TMEM168: variants seen among roughly 807,000 people sequenced by gnomAD.
TMEM168 encodes transmembrane protein 168.
A neutral mutation model predicts 53.2 loss-of-function variants in TMEM168; 40 were observed. That is an observed-to-expected ratio of 0.75 (90% CI 0.58 to 0.98). The LOEUF (loss-of-function observed/expected upper bound fraction) is 0.98, where lower values mean the gene tolerates loss of function less well. Among genes scored for constraint, TMEM168 ranks in the 50% least tolerant of loss-of-function variants. The pLI, the probability that TMEM168 is intolerant of heterozygous loss-of-function variation, is 0.00. For synonymous variants in TMEM168, 282 were observed against 293.0 expected, an observed-to-expected ratio of 0.96 and a Z score of 0.38; for missense variants, 771 against 828.8, an observed-to-expected ratio of 0.93 and a Z score of 0.86.
chr7:112,774,695 C>G (rs1793026453), intron 3 of TMEM168, among the ~76,000 whole-genome samples: 2 of 152,042 alleles, frequency 1.3e-5, no homozygotes, highest in Non-Finnish European at 2.9e-5. Flanking sequence ...ACTCTCCTGC[C>G]TCAGCCTCCT....
rs762351079 is a variant in TMEM168 at position 112,772,978 on chromosome 7, G to C, written c.1349C>G (p.Ala450Gly). ...LNLRSTGMLN[A>G]IQRFFAYHMI... is the part of the protein sequence containing the mutation. ...ATGATATGCAAAAAATCTTTGGATA[G>C]CATTGAGCATGCCAGTAGACCTCAA... Residue 450 changes from alanine (A) to glycine (G), a missense_variant, in exon 4 of 5, where the codon GCT becomes GGT. Physicochemically the swap from Ala to Gly is moderately conservative, Grantham distance 60 (BLOSUM62 0). Coordinates refer to ENST00000312814, the MANE Select transcript of TMEM168 (RefSeq NM_022484.6). The C allele has an allele frequency of 6.2e-7, 1 of 1,614,060 alleles. No individual in the cohort carries two copies. Among genetic ancestry groups the C allele is most frequent in the South Asian group, 1.1e-5 (1 of 91,082 alleles).
At chr7:112,774,441 T>C (rs958161931) in intron 3 of TMEM168, among the ~76,000 whole-genome samples, 6 of 151,202 alleles carry the variant, frequency 4.0e-5, no homozygotes, top group African/African-American at 1.2e-4. Context: ...ATATACATTT[T>C]AGGCAAAGAC....
chr7:112,771,561 C>A lies in TMEM168; in HGVS notation c.1546+1220G>T, dbSNP rs1471402721. 3.3e-5 allele frequency among the ~76,000 whole-genome samples: 5 copies of A among 152,132 alleles called. No homozygotes were observed. The South Asian group carries it at 1.0e-3, about 31-fold the overall frequency. ...AGCTTGTCTTTCTACTAGAAGGCCA[C>A]TGAGTTATTCAATATTTATTTGCAA... On this transcript the variant is annotated intron_variant, in intron 4 of 4. Coordinates refer to ENST00000312814, the MANE Select transcript of TMEM168 (RefSeq NM_022484.6).
intron 4 of TMEM168, among the ~76,000 whole-genome samples, chr7:112,769,530 C>T (rs777518478): frequency 2.1e-5 from 3 of 140,944 alleles, no homozygotes; most frequent in Non-Finnish European, 4.5e-5. Flanking sequence ...CCCTAATTCT[C>T]TTATATAAAT....
In TMEM168 at chr7:112,764,431, T is replaced by C. The variant is rs896727894; in HGVS notation, c.*2766A>G. 6.6e-6 allele frequency: 1 copy of C among 152,020 alleles called. No individual in the cohort carries two copies. Among genetic ancestry groups the C allele is most frequent in the Admixed American group, 6.6e-5 (1 of 15,246 alleles). The allele number at this position is 152,020 out of a possible 1,614,324, so 9.4% of individuals were successfully genotyped here. A position where few individuals can be genotyped will look rare whatever the true frequency, so the allele number is the denominator to read the frequency against. On this transcript the variant is annotated 3_prime_UTR_variant, in exon 5 of 5. Coordinates refer to ENST00000312814, the MANE Select transcript of TMEM168 (RefSeq NM_022484.6). ...ATTGTCAGATCTATTTTTCAATCTT[T>C]AGGTGAAAGTAACCAATCACTTTAT...
At chr7:112,783,043 G>A (rs1793272801) in intron 2 of TMEM168, among the ~76,000 whole-genome samples, 1 of 152,176 alleles carries the variant, frequency 6.6e-6, no homozygotes. Flanking sequence ...TGGAAGACTG[G>A]GTTTGTTAAT....
chr7:112,788,049 T>C (rs1051833143), intron 1 of TMEM168, among the ~76,000 whole-genome samples: 1 of 152,158 alleles, frequency 6.6e-6, no homozygotes, highest in Non-Finnish European at 1.5e-5. Flanking sequence ...GCATATTCTT[T>C]AAACAAATTT....
In TMEM168 at chr7:112,767,703, T is replaced by G; in HGVS notation, c.1588A>C (p.Arg530=). Residue 530 remains arginine (R), a synonymous_variant, in exon 5 of 5, where the codon AGA becomes CGA. Transcript: ENST00000312814. ...GAACAAAAGGAACCATTCTTTTCTC[T>G]CCACCATTCTATAAGTGTGTCAAGG... ...LRLDTLIEWW[R]EKNGSFCSRL... is the part of the protein sequence containing the mutation. 6.2e-7 allele frequency: 1 copy of G among 1,613,756 alleles called. No individual in the cohort carries two copies. Among genetic ancestry groups the G allele is most frequent in the Non-Finnish European group, 8.5e-7 (1 of 1,179,944 alleles).
At chr7:112,778,452 A>G (rs904166209) in intron 2 of TMEM168, 8 of 152,310 alleles carry the variant, frequency 5.3e-5, no homozygotes, top group African/African-American at 1.7e-4. Flanking sequence ...TAAAAGTTTT[A>G]TAAGTTTAAA....
At chr7:112,779,482 T>C (rs1207838607) in intron 2 of TMEM168, among the ~76,000 whole-genome samples, 4 of 152,192 alleles carry the variant, frequency 2.6e-5, no homozygotes, top group Non-Finnish European at 2.9e-5. Context: ...TAGAAGTCAT[T>C]TGTGACTTTG....
Position 112,767,695 on chromosome 7 carries a change from C to CT in TMEM168, c.1595dup (p.Asn533GlufsTer28), listed in dbSNP as rs776422903. ...TAAGCCGGGAACAAAAGGAACCATT[C>CT]TTTTCTCTCCACCATTCTATAAGTG... On this transcript the variant is annotated frameshift_variant, in exon 5 of 5. Transcript: ENST00000312814. LOFTEE classifies it high-confidence loss of function. The CT allele has an allele frequency of 6.2e-7, 1 of 1,613,854 alleles. No homozygotes were observed. The highest frequency in any genetic ancestry group is 8.5e-7 in the Non-Finnish European group (1 of 1,179,942).
At position 112,784,194 on chromosome 7, in the gene TMEM168, A is replaced by C. The variant is rs1793310495; in HGVS notation, c.632T>G (p.Leu211Trp). Residue 211 changes from leucine (L) to tryptophan (W), a missense_variant, in exon 2 of 5, where the codon TTG (leucine) becomes TGG (tryptophan). Physicochemically the swap from Leu to Trp is moderately conservative, Grantham distance 61. Transcript: ENST00000312814. ...AGTTTCCAATGAGGAAAAAAATAAC[A>C]AAACTGCAAAAATAACTAAGTTTGG... ...AIPNLVIFAV[L>W]LFFSSLETPK... 6.2e-7 allele frequency: 1 copy of C among 1,613,442 alleles called. No homozygotes were observed.
Position 112,784,917 on chromosome 7 carries a change from C to T in TMEM168, c.-92G>A. 1.8e-6 allele frequency: 2 copies of T among 1,142,460 alleles called. No homozygotes were observed. The highest frequency in any genetic ancestry group is 2.3e-6 in the Non-Finnish European group (2 of 863,734). The allele number at this position is 1,142,460 out of a possible 1,614,324, so 70.8% of individuals were successfully genotyped here. On this transcript the variant is annotated 5_prime_UTR_variant, in exon 2 of 5. Coordinates refer to ENST00000312814, the MANE Select transcript of TMEM168 (RefSeq NM_022484.6). ...TCCAATGTATCCGCAACTCCTATTTCAACATTTTCTCTTGTGGAAATTTTG... is the reference window on the plus strand; with the variant it reads ...TCCAATGTATCCGCAACTCCTATTTTAACATTTTCTCTTGTGGAAATTTTG...
Position 112,784,585 on chromosome 7 carries a change from G to A in TMEM168, c.241C>T (p.Leu81Phe), listed in dbSNP as rs752909760. The A allele has an allele frequency of 1.3e-5, 21 of 1,612,428 alleles. No homozygotes were observed. In the South Asian group the frequency reaches 2.0e-4, roughly 15 times the overall value. ...GCTTCCATTGAAAAATAGTAATAGA[G>A]TATGCTGGCGATTCCAAGAACAAAA... Reference protein sequence around the residue: ...GLFVLGIASILYYYFSMEAAS... With the variant: ...GLFVLGIASIFYYYFSMEAAS... Residue 81 changes from leucine (L) to phenylalanine (F), a missense_variant, in exon 2 of 5, where the codon CTC becomes TTC. By Grantham distance (22) the Leu-to-Phe change is conservative. Coordinates refer to ENST00000312814, the MANE Select transcript of TMEM168 (RefSeq NM_022484.6).
At chr7:112,788,439 A>AAT (rs1562872355) in intron 1 of TMEM168, 1 of 152,270 alleles carries the variant, frequency 6.6e-6, no homozygotes, top group Admixed American at 6.5e-5. Context: ...CATATAATGC[A>AAT]ATATATGCAG....
chr7:112,768,318 A>G (rs1439708748), intron 4 of TMEM168, among the ~76,000 whole-genome samples: 1 of 152,218 alleles, frequency 6.6e-6, no homozygotes, highest in Non-Finnish European at 1.5e-5. Flanking sequence ...AAAGTAGCAG[A>G]GCTGAATAGC....
In TMEM168 at chr7:112,765,908, T is replaced by C. The variant is rs1792765213; in HGVS notation, c.*1289A>G. The C allele has an allele frequency of 7.3e-6, 1 of 137,606 alleles. No homozygotes were observed. The highest frequency in any genetic ancestry group is 1.5e-5 in the Non-Finnish European group (1 of 66,068). The allele number at this position is 137,606 out of a possible 1,614,324, so 8.5% of individuals were successfully genotyped here. On this transcript the variant is annotated 3_prime_UTR_variant, in exon 5 of 5. Coordinates refer to ENST00000312814, the MANE Select transcript of TMEM168 (RefSeq NM_022484.6). Reference sequence around the variant, plus strand: ...CAGGTAGAAAATGGTGGAGGCATTATTTCCTCTTTCTGAGGCTATAAAAAA... The same window carrying C: ...CAGGTAGAAAATGGTGGAGGCATTACTTCCTCTTTCTGAGGCTATAAAAAA...
Position 112,784,726 on chromosome 7 carries a change from G to A in TMEM168, c.100C>T (p.Arg34Trp), listed in dbSNP as rs777473488. 49 of 1,613,718 alleles carry A rather than the reference G, an allele frequency of 3.0e-5. No homozygotes were observed. Among genetic ancestry groups the A allele is most frequent in the South Asian group, 4.4e-5 (4 of 91,044 alleles). ...NREVNMHSSV[R>W]YLGYLARINL... Reference sequence around the variant, plus strand: ...ATTCTGGCTAAATAGCCAAGATACCGCACTGAAGAATGCATGTTCACTTCT... The same window carrying A: ...ATTCTGGCTAAATAGCCAAGATACCACACTGAAGAATGCATGTTCACTTCT... Residue 34 changes from arginine to tryptophan, a missense_variant, in exon 2 of 5, where the codon CGG becomes TGG. Arg to Trp is a moderately radical substitution (Grantham distance 101). Coordinates refer to ENST00000312814, the MANE Select transcript of TMEM168 (RefSeq NM_022484.6).
chr7:112,772,692 C>T, intron 4 of TMEM168, 89 bp downstream of exon 4: 1 of 1,459,968 alleles, frequency 6.8e-7, no homozygotes, highest in Non-Finnish European at 9.3e-7. Context: ...ACTAAGAATC[C>T]TGGAAATTTA....
Sources: gnomAD v4.1 joint callset for allele counts (sites outside exome capture counted in the v4.1 genomes callset) on GRCh38, gnomAD v4.1.1 for gene constraint, MANE v1.5 for transcripts, NCBI Gene and HGNC (gene_info 2026-07-23, HGNC 2026-07-21) for gene names.